Variants in GABRB2 observed in about 807,000 individuals in gnomAD.
GABRB2 encodes the protein gamma-aminobutyric acid receptor subunit beta-2.
In GABRB2, 16 loss-of-function variants were observed where a neutral mutation model predicts 54.7. That is an observed-to-expected ratio of 0.29 (90% CI 0.20 to 0.44). The LOEUF is 0.44. Ranked by LOEUF, GABRB2 falls within the 20% of genes least tolerant of loss-of-function variation. The probability of loss-of-function intolerance (pLI) is 1.00; values close to 1 mark genes in which losing one functional copy is unlikely to be tolerated. For synonymous variants in GABRB2, 244 were observed against 233.8 expected (o/e 1.04, Z -0.40); for missense variants, 355 against 644.0 (o/e 0.55, Z 4.86).
At chr5:161,519,883 C>A (rs1341037482) in intron 3 of GABRB2, among the ~76,000 whole-genome samples, 2 of 152,032 alleles carry the variant, frequency 1.3e-5, no homozygotes, top group African/African-American at 4.8e-5. Context: ...ATCATTTCAA[C>A]AAGCCAAGCA....
chr5:161,390,637 G>A (rs1442436316), intron 5 of GABRB2, among the ~76,000 whole-genome samples: 2 of 151,958 alleles, frequency 1.3e-5, no homozygotes, highest in Non-Finnish European at 2.9e-5. Flanking sequence ...AGAGCATGAA[G>A]GAATCTCTGT....
intron 9 of GABRB2, among the ~76,000 whole-genome samples, chr5:161,324,501 T>C (rs891554879): frequency 1.3e-5 from 2 of 152,134 alleles, no homozygotes; most frequent in Non-Finnish European, 2.9e-5. Context: ...AGACAGAAAT[T>C]AGTAGTTTTA....
intron 5 of GABRB2, among the ~76,000 whole-genome samples, chr5:161,372,592 A>C (rs754014071): frequency 3.9e-5 from 6 of 152,110 alleles, no homozygotes; most frequent in Non-Finnish European, 8.8e-5. Flanking sequence ...CTGCCCTCAA[A>C]GGGAAGCATT....
Position 161,418,430 on chromosome 5 carries a change from C to A in GABRB2, c.459-7373G>T, listed in dbSNP as rs548386272. Among the ~76,000 whole-genome samples, 26 of 152,204 alleles carry A rather than the reference C, an allele frequency of 1.7e-4. No homozygotes were observed. In the South Asian group the frequency reaches 5.2e-3, roughly 30 times the overall value. On this transcript the variant is annotated intron_variant, in intron 4 of 9. Transcript: ENST00000393959. Reference sequence around the variant, plus strand: ...ATCCCTGAAAAAGGGTAATCATTCTCTTTTTTAAATTGTAACCACTGAAAT... The same window carrying A: ...ATCCCTGAAAAAGGGTAATCATTCTATTTTTTAAATTGTAACCACTGAAAT...
chr5:161,310,509 T>G (rs1757829696), intron 9 of GABRB2, among the ~76,000 whole-genome samples: 1 of 152,166 alleles, frequency 6.6e-6, no homozygotes, highest in Admixed American at 6.5e-5. Flanking sequence ...TTTCTTCCCA[T>G]GCCTATGCAT....
At chr5:161,304,542 A>AT (rs1437664681) in intron 9 of GABRB2, among the ~76,000 whole-genome samples, 3 of 152,092 alleles carry the variant, frequency 2.0e-5, no homozygotes, top group Non-Finnish European at 4.4e-5. Flanking sequence ...AGCCTGCTTA[A>AT]TTTTTTGTGG....
rs1268240852 is a variant in GABRB2 at position 161,289,631 on chromosome 5, T to C, written c.*4450A>G. On this transcript the variant is annotated 3_prime_UTR_variant, in exon 10 of 10. Coordinates refer to ENST00000393959, the MANE Select transcript of GABRB2 (RefSeq NM_001371727.1). ...CTTTGGTTTCTTGAACTCTGACATATAAAAAAGTCTATTAAGTTATCAATG... is the reference window on the plus strand; with the variant it reads ...CTTTGGTTTCTTGAACTCTGACATACAAAAAAGTCTATTAAGTTATCAATG... 6 of 152,094 alleles carry C rather than the reference T, an allele frequency of 3.9e-5. No homozygotes were observed. Among genetic ancestry groups the C allele is most frequent in the South Asian group, 2.1e-4 (1 of 4,830 alleles). 9.4% of individuals were successfully genotyped at this position (152,094 alleles called of 1,614,324 possible).
chr5:161,495,482 T>C (rs1329033015), intron 3 of GABRB2, among the ~76,000 whole-genome samples: 1 of 152,060 alleles, frequency 6.6e-6, no homozygotes, highest in African/African-American at 2.4e-5. Context: ...ATGAATTTTT[T>C]TAATGATTTT....
intron 5 of GABRB2, among the ~76,000 whole-genome samples, chr5:161,395,205 G>A (rs1253670730): frequency 6.6e-6 from 1 of 152,066 alleles, no homozygotes; most frequent in Non-Finnish European, 1.5e-5. Context: ...ATGAAGGGAT[G>A]GATATACTTT....
In GABRB2 at chr5:161,331,130, G is replaced by A; in HGVS notation, c.833-3C>T. 1.3e-6 allele frequency: 2 copies of A among 1,529,380 alleles called. No individual in the cohort carries two copies. Among genetic ancestry groups the A allele is most frequent in the Admixed American group, 2.1e-5 (1 of 46,826 alleles). The allele number at this position is 1,529,380 out of a possible 1,614,324, so 94.7% of individuals were successfully genotyped here. A position where few individuals can be genotyped will look rare whatever the true frequency, so the allele number is the denominator to read the frequency against. ...CATTGTGAGGACAGTTGTGATTCCTGAAAAAAAATGGGAGAGTTAGAGTAA... is the reference window on the plus strand; with the variant it reads ...CATTGTGAGGACAGTTGTGATTCCTAAAAAAAAATGGGAGAGTTAGAGTAA... On this transcript the variant is annotated splice_region_variant and splice_polypyrimidine_tract_variant and intron_variant, in intron 7 of 9. Coordinates refer to ENST00000393959, the MANE Select transcript of GABRB2 (RefSeq NM_001371727.1).
At chr5:161,499,292 G>C (rs948930860) in intron 3 of GABRB2, among the ~76,000 whole-genome samples, 3 of 152,132 alleles carry the variant, frequency 2.0e-5, no homozygotes, top group Non-Finnish European at 4.4e-5. Flanking sequence ...CCCACTTATT[G>C]TGGCTCAAAT....
At chr5:161,390,361 T>G (rs2910286) in intron 5 of GABRB2, among the ~76,000 whole-genome samples, 112,575 of 151,774 alleles carry the variant, frequency 0.74, 42,270 homozygotes, top group South Asian at 0.86. Context: ...CACTTTGGAA[T>G]AGTACTGGCT....
intron 8 of GABRB2, among the ~76,000 whole-genome samples, chr5:161,326,774 G>A (rs1758376404): frequency 1.3e-5 from 2 of 152,064 alleles, no homozygotes; most frequent in Admixed American, 1.3e-4. Context: ...ACCCATGAAT[G>A]CAGAATAAAG....
intron 4 of GABRB2, among the ~76,000 whole-genome samples, chr5:161,436,920 G>A (rs1757328125): frequency 6.6e-6 from 1 of 152,212 alleles, no homozygotes; most frequent in South Asian, 2.1e-4. Flanking sequence ...GCTGATACTT[G>A]CCCACAGAGA....
intron 4 of GABRB2, among the ~76,000 whole-genome samples, chr5:161,412,992 A>C (rs1176832416): frequency 6.6e-6 from 1 of 151,978 alleles, no homozygotes; most frequent in South Asian, 2.1e-4. Flanking sequence ...TGCAGCCTCA[A>C]CCTCCTGGTC....
chr5:161,546,496 C>G, intron 1 of GABRB2, 71 bp downstream of exon 1: 1 of 1,571,190 alleles, frequency 6.4e-7, no homozygotes, highest in South Asian at 1.1e-5. Context: ...CTACATTTCC[C>G]TGCTCACAGA....
At chr5:161,392,389 T>G (rs1269523953) in intron 5 of GABRB2, among the ~76,000 whole-genome samples, 1 of 152,200 alleles carries the variant, frequency 6.6e-6, no homozygotes, top group East Asian at 1.9e-4. Context: ...ACCTAGTAAC[T>G]TTTTGGTATA....
rs1363390241 is a variant in GABRB2, at chr5:161,294,458, C to T, written c.1192-30G>A. ...AAGGGAAGAGAATCAAAAAGACAAT[C>T]AGAACAATGAAGCTTTACAGGTGCT... On this transcript the variant is annotated intron_variant, in intron 9 of 9. Coordinates refer to ENST00000393959, the MANE Select transcript of GABRB2 (RefSeq NM_001371727.1). 8 of 1,587,940 alleles carry T rather than the reference C, an allele frequency of 5.0e-6. No homozygotes were observed. The African/African-American group carries it at 1.1e-4, about 21-fold the overall frequency.
chr5:161,422,701 C>T (rs924981176), intron 4 of GABRB2, among the ~76,000 whole-genome samples: 2 of 152,118 alleles, frequency 1.3e-5, no homozygotes, highest in Non-Finnish European at 2.9e-5. Context: ...GCACTAAGGG[C>T]ATTCCTTGTC....
Sources: gnomAD v4.1 joint callset for allele counts (sites outside exome capture counted in the v4.1 genomes callset) on GRCh38, gnomAD v4.1.1 for gene constraint, MANE v1.5 for transcripts, NCBI Gene and HGNC (gene_info 2026-07-23, HGNC 2026-07-21) for gene names.